The following LSAMP variants were observed in gnomAD, a reference collection of about 807,000 sequenced individuals.
LSAMP encodes limbic system-associated membrane protein.
LSAMP carries 7 observed loss-of-function variants against 38.6 expected under a neutral mutation model. That is an observed-to-expected ratio of 0.18 (90% CI 0.10 to 0.34). The LOEUF is 0.34. Ranked by LOEUF, LSAMP falls within the 10% of genes least tolerant of loss-of-function variation. The pLI, the probability that LSAMP is intolerant of heterozygous loss-of-function variation, is 1.00. For missense variants in LSAMP, 313 were observed against 420.0 expected (o/e 0.75, Z 2.23); for synonymous variants, 154 against 166.8 (o/e 0.92, Z 0.59).
chr3:116,190,372 A>C (rs2107580551), intron 1 of LSAMP, among the ~76,000 whole-genome samples: 1 of 152,306 alleles, frequency 6.6e-6, no homozygotes, highest in Non-Finnish European at 1.5e-5. Context: ...TGCTGAGAAA[A>C]GTGATAGAGT....
chr3:115,950,612 A>G (rs1938250733), intron 3 of LSAMP, among the ~76,000 whole-genome samples: 1 of 152,088 alleles, frequency 6.6e-6, no homozygotes, highest in Non-Finnish European at 1.5e-5. Flanking sequence ...ACAAATGGAA[A>G]TATATCCCAT....
chr3:115,942,632 T>C (rs565712552), intron 3 of LSAMP, among the ~76,000 whole-genome samples: 112 of 152,190 alleles, frequency 7.4e-4, no homozygotes, highest in Non-Finnish European at 1.3e-3. Context: ...TTTCATGTTT[T>C]AGTATGTACT....
chr3:116,332,655 TA>T (rs1348055445), intron 1 of LSAMP, among the ~76,000 whole-genome samples: 2 of 152,162 alleles, frequency 1.3e-5, no homozygotes, highest in African/African-American at 4.8e-5. Context: ...GTAATTACTT[TA>T]AATGTAAATT....
chr3:116,124,331 TTGTC>T (rs907420859), intron 1 of LSAMP, among the ~76,000 whole-genome samples: 1 of 152,154 alleles, frequency 6.6e-6, no homozygotes, highest in African/African-American at 2.4e-5. Context: ...TTCATGAAAA[TTGTC>T]TGTGGGCTGC....
chr3:116,148,076 A>G (rs2107523622), intron 1 of LSAMP, among the ~76,000 whole-genome samples: 1 of 151,078 alleles, frequency 6.6e-6, no homozygotes, highest in East Asian at 1.9e-4. Context: ...TTCCTTTATC[A>G]TATCTACTTC....
chr3:115,940,991 G>A lies in LSAMP; in HGVS notation c.514+78524C>T, dbSNP rs529818767. 4.3e-4 allele frequency among the ~76,000 whole-genome samples: 66 copies of A among 152,110 alleles called. 2 individuals are homozygous for A. The South Asian group carries it at 0.013, about 30-fold the overall frequency. ...AAGGGAATAATCAACAAGATAAATAGGCAACCTACAGAATGAGAGAAAATA... is the reference window on the plus strand; with the variant it reads ...AAGGGAATAATCAACAAGATAAATAAGCAACCTACAGAATGAGAGAAAATA... On this transcript the variant is annotated intron_variant, in intron 3 of 6. Transcript: ENST00000490035.
In LSAMP at chr3:115,805,741, A is replaced by G. The variant is rs529380665; in HGVS notation, c.*4576T>C. On this transcript the variant is annotated 3_prime_UTR_variant, in exon 7 of 7. Coordinates refer to ENST00000490035, the MANE Select transcript of LSAMP (RefSeq NM_002338.5). The stretch of plus-strand genomic sequence containing the variant: ...GGCGACATTTGAACAGCATAGCTAC[A>G]TGCAAATGAGAATAGTTTACTTCTT... 3.9e-5 allele frequency: 6 copies of G among 152,354 alleles called. No individual in the cohort carries two copies. The South Asian group carries it at 8.3e-4, about 21-fold the overall frequency. 9.4% of individuals were successfully genotyped at this position (152,354 alleles called of 1,614,324 possible).
chr3:116,434,584 T>TCC (rs2049322483), intron 1 of LSAMP, among the ~76,000 whole-genome samples: 1 of 152,136 alleles, frequency 6.6e-6, no homozygotes, highest in African/African-American at 2.4e-5. Context: ...AGAAGGAGTC[T>TCC]TGCTCTGTTG....
At chr3:116,041,813 A>G (rs1941179164) in intron 2 of LSAMP, among the ~76,000 whole-genome samples, 1 of 149,074 alleles carries the variant, frequency 6.7e-6, no homozygotes. Flanking sequence ...AAACAAAACA[A>G]AACAAAAAAA....
chr3:115,851,625 T>C (rs1316250288), intron 4 of LSAMP, among the ~76,000 whole-genome samples: 1 of 152,208 alleles, frequency 6.6e-6, no homozygotes, highest in Non-Finnish European at 1.5e-5. Flanking sequence ...CATGTATGCC[T>C]GTGTGCCTAT....
At chr3:116,220,856 C>T (rs2046275202) in intron 1 of LSAMP, among the ~76,000 whole-genome samples, 1 of 152,078 alleles carries the variant, frequency 6.6e-6, no homozygotes, top group South Asian at 2.1e-4. Flanking sequence ...GGTTCTGAGA[C>T]TAAGAAAAGG....
intron 3 of LSAMP, among the ~76,000 whole-genome samples, chr3:115,975,911 C>A (rs1437361873): frequency 1.3e-5 from 2 of 152,160 alleles, no homozygotes; most frequent in Admixed American, 1.3e-4. Flanking sequence ...CTTTCCAAAG[C>A]AACATCTCTC....
rs193094328 is a variant in LSAMP, at chr3:115,810,535, C to T, written c.920-121G>A. ...GCCAGGTACTAGCATCTCAAAGTTA[C>T]TGCACTTATGTGCAGCCCAAGAAGC... On this transcript the variant is annotated intron_variant, in intron 6 of 6. Transcript: ENST00000490035. The T allele has an allele frequency of 1.2e-4, 86 of 716,316 alleles. No homozygotes were observed. The African/African-American group carries it at 1.4e-3, about 12-fold the overall frequency. 44.4% of individuals were successfully genotyped at this position (716,316 alleles called of 1,614,324 possible).
intron 6 of LSAMP, among the ~76,000 whole-genome samples, chr3:115,829,463 C>T (rs570572972): frequency 6.6e-6 from 1 of 152,344 alleles, no homozygotes; most frequent in South Asian, 2.1e-4. Flanking sequence ...TTGGTGCTGA[C>T]ATGTCTGCCT....
At chr3:115,927,166 A>G (rs1937513110) in intron 3 of LSAMP, among the ~76,000 whole-genome samples, 1 of 152,176 alleles carries the variant, frequency 6.6e-6, no homozygotes, top group African/African-American at 2.4e-5. Flanking sequence ...CTTTGGGAGA[A>G]ATCACACATC....
At chr3:115,960,260 C>T (rs551080585) in intron 3 of LSAMP, among the ~76,000 whole-genome samples, 113 of 152,158 alleles carry the variant, frequency 7.4e-4, no homozygotes, top group Middle Eastern at 3.4e-3. Flanking sequence ...CTACAGAAGA[C>T]GAATAATATG....
intron 4 of LSAMP, among the ~76,000 whole-genome samples, chr3:115,850,181 T>C (rs556419216): frequency 1.3e-5 from 2 of 152,348 alleles, no homozygotes; most frequent in Admixed American, 1.3e-4. Flanking sequence ...TATTTTCTTC[T>C]GCTTTAAATT....
intron 6 of LSAMP, among the ~76,000 whole-genome samples, chr3:115,820,563 G>T (rs1380520927): frequency 6.6e-6 from 1 of 152,104 alleles, no homozygotes; most frequent in Non-Finnish European, 1.5e-5. Flanking sequence ...CTTGATTTTT[G>T]ACTTTCAGAT....
chr3:116,120,464 G>A (rs1443063687), intron 1 of LSAMP, among the ~76,000 whole-genome samples: 1 of 152,226 alleles, frequency 6.6e-6, no homozygotes, highest in African/African-American at 2.4e-5. Context: ...CAACGAATGT[G>A]TGGAACACAG....
Sources: allele counts gnomAD v4.1 joint callset (sites outside exome capture counted in the v4.1 genomes callset), GRCh38; gene constraint gnomAD v4.1.1; transcripts MANE v1.5; gene names NCBI Gene and HGNC (gene_info 2026-07-23, HGNC 2026-07-21).